The following CATSPERE variants were observed in gnomAD, a reference collection of about 807,000 sequenced individuals.
The protein encoded by CATSPERE is cation channel sperm-associated auxiliary subunit epsilon.
CATSPERE carries 93 observed loss-of-function variants against 114.1 expected under a neutral mutation model. The observed-to-expected ratio is 0.81, with a 90% CI of 0.69 to 0.97. The LOEUF (loss-of-function observed/expected upper bound fraction) is 0.97. Ranked by LOEUF, CATSPERE falls within the 50% of genes least tolerant of loss-of-function variation. The probability of loss-of-function intolerance (pLI) is 0.00; values close to 1 mark genes in which losing one functional copy is unlikely to be tolerated. For missense variants in CATSPERE, 1,058 were observed against 1,131.6 expected (o/e 0.93, Z 0.93); for synonymous variants, 341 against 384.1 (o/e 0.89, Z 1.31).
chr1:244,634,867 T>C (rs962605732), intron 20 of CATSPERE, among the ~76,000 whole-genome samples: 1 of 152,194 alleles, frequency 6.6e-6, no homozygotes, highest in Non-Finnish European at 1.5e-5. Context: ...TTTTTTGAGA[T>C]GGAGTCTCAC....
intron 10 of CATSPERE, among the ~76,000 whole-genome samples, chr1:244,562,025 G>A (rs1662637910): frequency 1.3e-5 from 2 of 151,704 alleles, no homozygotes; most frequent in African/African-American, 4.8e-5. Flanking sequence ...GGTGGTACAC[G>A]CCTGTGGTCC....
At chr1:244,602,823 T>TA (rs1411246247) in intron 17 of CATSPERE, among the ~76,000 whole-genome samples, 1 of 152,030 alleles carries the variant, frequency 6.6e-6, no homozygotes, top group East Asian at 1.9e-4. Flanking sequence ...TACGGTAAGA[T>TA]ATACAGACGC....
intron 6 of CATSPERE, among the ~76,000 whole-genome samples, chr1:244,490,771 A>G (rs565525986): frequency 6.6e-6 from 1 of 152,292 alleles, no homozygotes; most frequent in Non-Finnish European, 1.5e-5. Flanking sequence ...TACAAATATT[A>G]AAGATAGTTT....
intron 20 of CATSPERE, among the ~76,000 whole-genome samples, chr1:244,629,637 T>C (rs1427790307): frequency 6.6e-6 from 1 of 151,160 alleles, no homozygotes. Flanking sequence ...CTTGGCATTG[T>C]CTCCTTTATC....
At chr1:244,455,303 CT>C (rs1666038389) in intron 1 of CATSPERE, among the ~76,000 whole-genome samples, 1 of 151,996 alleles carries the variant, frequency 6.6e-6, no homozygotes, top group African/African-American at 2.4e-5. Context: ...TTGAATTTTC[CT>C]TTCTCTAAAC....
rs542665283 is a variant in CATSPERE, at chr1:244,547,467, G to C, written c.537-4855G>C. ...TTTGTAAATCACTTACTGTATAAAG[G>C]TTAAAAGCCAAAACTATTAAAAATA... On this transcript the variant is annotated intron_variant, in intron 8 of 21. Coordinates refer to ENST00000366534, the MANE Select transcript of CATSPERE (RefSeq NM_001130957.2). Among the ~76,000 whole-genome samples the C allele has an allele frequency of 7.9e-4, 120 of 152,180 alleles. 2 individuals are homozygous for C. The Middle Eastern group carries it at 0.01, about 13-fold the overall frequency.
Position 244,583,878 on chromosome 1 carries a change from G to A in CATSPERE, c.2024G>A (p.Gly675Asp), listed in dbSNP as rs780789781. ...GTTTCTCCTAGAGACAAGCACACGGGTCTTGTGCTGGTTCAGTTTCGACCT... is the reference window on the plus strand; with the variant it reads ...GTTTCTCCTAGAGACAAGCACACGGATCTTGTGCTGGTTCAGTTTCGACCT... ...DYFETQDKHTGLVLVQFRPSE... is the reference protein window; with the variant it reads ...DYFETQDKHTDLVLVQFRPSE... The change falls in exon 13 of 22, where the codon GGT becomes GAT. Residue 675 changes from glycine (G) to aspartate (D), a missense_variant. Gly to Asp is a moderately conservative substitution (Grantham distance 94). This residue lies in a region of CATSPERE where 787 missense variants were observed against 905.6 expected (regional missense o/e 0.87). Transcript: ENST00000366534. 8 of 1,613,864 alleles carry A rather than the reference G, an allele frequency of 5.0e-6. No homozygotes were observed. Among genetic ancestry groups the A allele is most frequent in the Non-Finnish European group, 6.8e-6 (8 of 1,179,796 alleles).
intron 7 of CATSPERE, among the ~76,000 whole-genome samples, chr1:244,501,370 C>G (rs1019224572): frequency 1.3e-5 from 2 of 152,156 alleles, no homozygotes; most frequent in Admixed American, 6.5e-5. Context: ...ACAAATTTAC[C>G]TCTTTCAAGA....
At chr1:244,523,967 C>T (rs2148386522) in intron 8 of CATSPERE, among the ~76,000 whole-genome samples, 1 of 147,200 alleles carries the variant, frequency 6.8e-6, no homozygotes, top group African/African-American at 2.6e-5. Flanking sequence ...TGACTTTCTT[C>T]ACAGAATTGG....
intron 9 of CATSPERE, among the ~76,000 whole-genome samples, chr1:244,553,580 CAAA>C (rs1179306708): frequency 0.094 from 2,475 of 26,424 alleles, 169 homozygotes; most frequent in African/African-American, 0.28. Context: ...GACCCCGTCT[CAAA>C]AAAAAAAAAA....
In CATSPERE at chr1:244,461,442, G is replaced by A. The variant is rs757867137; in HGVS notation, c.13G>A (p.Glu5Lys). Residue 5 changes from glutamate (E) to lysine (K), a missense_variant, in exon 1 of 22, where the codon GAA becomes AAA. Physicochemically the swap from Glu to Lys is moderately conservative, Grantham distance 56. Around this residue, in one of 2 missense-constraint regions of CATSPERE, gnomAD observed 271 missense variants for 225.9 expected, o/e 1.20. Transcript: ENST00000366534. The stretch of plus-strand genomic sequence containing the variant: ...CGGAGCAGGCGCCATGTCAGCCCGG[G>A]AAGTGGCCGTGCTGCTGCTGTGGCT... MSAR[E>K]VAVLLLWLSC... 7.2e-7 allele frequency: 1 copy of A among 1,391,146 alleles called. No individual in the cohort carries two copies. The highest frequency in any genetic ancestry group is 2.9e-5 in the East Asian group (1 of 34,504). The allele number at this position is 1,391,146 out of a possible 1,614,324, so 86.2% of individuals were successfully genotyped here.
chr1:244,588,492 T>C lies in CATSPERE; in HGVS notation c.2096T>C (p.Ile699Thr). ...ACPIAQKVFQIAVGCDDKKFI... is the reference protein window; with the variant it reads ...ACPIAQKVFQTAVGCDDKKFI... ...GTTACTTCATTTTAGGTGTTCCAAA[T>C]AGCTGTTGGCTGTGATGATAAAAAA... The change falls in exon 14 of 22, where the codon ATA becomes ACA. Residue 699 changes from isoleucine (I) to threonine (T), a missense_variant. This residue lies in a region of CATSPERE where 787 missense variants were observed against 905.6 expected (regional missense o/e 0.87). Coordinates refer to ENST00000366534, the MANE Select transcript of CATSPERE (RefSeq NM_001130957.2). 6.2e-7 allele frequency: 1 copy of C among 1,611,506 alleles called. No individual in the cohort carries two copies. Among genetic ancestry groups the C allele is most frequent in the South Asian group, 1.1e-5 (1 of 91,008 alleles).
At position 244,621,299 on chromosome 1, in the gene CATSPERE, A is replaced by ATATATC. The variant is rs554565080; in HGVS notation, c.2648+3618_2648+3619insCTATAT. Among the ~76,000 whole-genome samples, 448 of 86,508 alleles carry ATATATC rather than the reference A, an allele frequency of 5.2e-3. 75 individuals carry two copies. Among genetic ancestry groups the ATATATC allele is most frequent in the East Asian group, 0.016 (52 of 3,226 alleles). 56.8% of individuals were successfully genotyped at this position (86,508 alleles called of 152,430 possible). A position where few individuals can be genotyped will look rare whatever the true frequency, so the allele number is the denominator to read the frequency against. On this transcript the variant is annotated intron_variant, in intron 20 of 21. Coordinates refer to ENST00000366534, the MANE Select transcript of CATSPERE (RefSeq NM_001130957.2). The stretch of plus-strand genomic sequence containing the variant: ...TATCTATATAGATATATCTATATAA[A>ATATATC]TATATAAATATATAAAATATATATA...
At chr1:244,585,466 C>T (rs1233230992) in intron 13 of CATSPERE, among the ~76,000 whole-genome samples, 1 of 152,182 alleles carries the variant, frequency 6.6e-6, no homozygotes, top group Non-Finnish European at 1.5e-5. Flanking sequence ...CCCTTTCAGG[C>T]AACAGGAAAT....
intron 7 of CATSPERE, among the ~76,000 whole-genome samples, chr1:244,508,732 C>T (rs1189242351): frequency 6.7e-6 from 1 of 150,230 alleles, no homozygotes; most frequent in Admixed American, 6.6e-5. Flanking sequence ...GGTGTGGTGG[C>T]TCATACCTGT....
chr1:244,593,696 T>C (rs1408459442), intron 17 of CATSPERE, 118 bp downstream of exon 17: 1 of 799,700 alleles, frequency 1.3e-6, no homozygotes, highest in Non-Finnish European at 2.0e-6. Flanking sequence ...ACTCAATATA[T>C]GCGAGACTTG....
chr1:244,493,918 G>C (rs1672657934), intron 6 of CATSPERE, among the ~76,000 whole-genome samples: 1 of 152,196 alleles, frequency 6.6e-6, no homozygotes, highest in South Asian at 2.1e-4. Context: ...TCTCACTCCA[G>C]TTAGAATGGC....
intron 8 of CATSPERE, among the ~76,000 whole-genome samples, chr1:244,521,001 A>G (rs147179532): frequency 6.9e-4 from 105 of 152,336 alleles, no homozygotes; most frequent in Middle Eastern, 3.4e-3. Context: ...AAGGAAAATC[A>G]CAAGCTAATC....
At chr1:244,527,939 T>C (rs368227015) in intron 8 of CATSPERE, among the ~76,000 whole-genome samples, 5 of 152,322 alleles carry the variant, frequency 3.3e-5, no homozygotes, top group Admixed American at 6.5e-5. Context: ...GGTCTCACCC[T>C]GTTGCCCAAG....
Sources: allele counts gnomAD v4.1 joint callset (sites outside exome capture counted in the v4.1 genomes callset), GRCh38; gene constraint gnomAD v4.1.1; regional missense constraint gnomAD v4.1.1; transcripts MANE v1.5; gene names NCBI Gene and HGNC (gene_info 2026-07-23, HGNC 2026-07-21).